Variants in LMX1A observed in about 807,000 individuals in gnomAD.
LMX1A encodes LIM homeobox transcription factor 1 alpha, also known as LIM homeobox transcription factor 1-alpha.
Under a neutral mutation model 49.1 loss-of-function variants are expected in LMX1A, and 15 were observed. The observed-to-expected ratio is 0.31, with a 90% CI of 0.20 to 0.47. The LOEUF is 0.47. Ranked by LOEUF, LMX1A falls within the 20% of genes least tolerant of loss-of-function variation. LMX1A has a pLI of 1.00. For synonymous variants in LMX1A, 167 were observed against 185.7 expected, an observed-to-expected ratio of 0.90 and a Z score of 0.82; for missense variants, 372 against 475.8, an observed-to-expected ratio of 0.78 and a Z score of 2.03.
At chr1:165,271,480 C>A (rs1653791499) in intron 3 of LMX1A, among the ~76,000 whole-genome samples, 1 of 152,116 alleles carries the variant, frequency 6.6e-6, no homozygotes, top group African/African-American at 2.4e-5. Context: ...TTGTTGCAGC[C>A]CAAAACCTAC....
intron 3 of LMX1A, among the ~76,000 whole-genome samples, chr1:165,336,755 C>A (rs1557888751): frequency 6.6e-6 from 1 of 152,312 alleles, no homozygotes; most frequent in East Asian, 1.9e-4. Flanking sequence ...TTACTCCAGC[C>A]CTTCCTCAAC....
chr1:165,315,632 G>A (rs1432538550), intron 3 of LMX1A, among the ~76,000 whole-genome samples: 1 of 152,212 alleles, frequency 6.6e-6, no homozygotes, highest in African/African-American at 2.4e-5. Context: ...TTGTTAGGCT[G>A]AAGTACAACA....
intron 3 of LMX1A, among the ~76,000 whole-genome samples, chr1:165,302,789 C>T (rs531220398): frequency 2.0e-5 from 3 of 152,288 alleles, no homozygotes; most frequent in Admixed American, 1.3e-4. Context: ...GAGAAAAGTG[C>T]CAGGGTTAGG....
chr1:165,324,220 C>G (rs1655504163), intron 3 of LMX1A, among the ~76,000 whole-genome samples: 1 of 152,202 alleles, frequency 6.6e-6, no homozygotes, highest in South Asian at 2.1e-4. Context: ...ACAGACTAGT[C>G]AGCGTGTGAA....
rs761806395 is a variant in LMX1A at position 165,311,510 on chromosome 1, G to C, written c.263+41566C>G. ...TCGGCTGTGGAGGCCCAGCTCACTG[G>C]TTGGCTCTTAACACCCTCATGCCCC... On this transcript the variant is annotated intron_variant, in intron 3 of 8. Transcript: ENST00000342310. 2.0e-5 allele frequency among the ~76,000 whole-genome samples: 3 copies of C among 152,294 alleles called. No individual in the cohort carries two copies. In the South Asian group the frequency reaches 6.2e-4, roughly 32 times the overall value.
At chr1:165,205,787 T>A in intron 8 of LMX1A, 77 bp downstream of exon 8, 2 of 1,376,720 alleles carry the variant, frequency 1.5e-6, no homozygotes, top group South Asian at 1.3e-5. Context: ...ATCTGGGAAC[T>A]GCCTAGATGT....
intron 3 of LMX1A, among the ~76,000 whole-genome samples, chr1:165,310,937 T>C (rs1655060198): frequency 6.6e-6 from 1 of 152,244 alleles, no homozygotes; most frequent in African/African-American, 2.4e-5. Flanking sequence ...TAAAGAACTT[T>C]ATATGCAAAA....
intron 3 of LMX1A, among the ~76,000 whole-genome samples, chr1:165,313,105 T>C (rs1285831449): frequency 6.6e-6 from 1 of 152,198 alleles, no homozygotes; most frequent in Non-Finnish European, 1.5e-5. Flanking sequence ...CTTATGCCAA[T>C]TGGAAACAAT....
At chr1:165,294,837 GC>G (rs1162405548) in intron 3 of LMX1A, among the ~76,000 whole-genome samples, 1 of 152,146 alleles carries the variant, frequency 6.6e-6, no homozygotes, top group Non-Finnish European at 1.5e-5. Flanking sequence ...GGTGGCACAT[GC>G]TTGTAATCCC....
At chr1:165,247,976 G>A (rs1652917977) in intron 4 of LMX1A, among the ~76,000 whole-genome samples, 1 of 152,240 alleles carries the variant, frequency 6.6e-6, no homozygotes, top group African/African-American at 2.4e-5. Context: ...CAAGCACCCA[G>A]TGTCCCAGCC....
chr1:165,284,715 A>C (rs980330394), intron 3 of LMX1A, among the ~76,000 whole-genome samples: 1 of 152,242 alleles, frequency 6.6e-6, no homozygotes, highest in Non-Finnish European at 1.5e-5. Context: ...TGCTGAGCGC[A>C]AGCAGGTTTG....
chr1:165,245,761 A>T (rs1374610325), intron 4 of LMX1A, among the ~76,000 whole-genome samples: 1 of 152,042 alleles, frequency 6.6e-6, no homozygotes, highest in African/African-American at 2.4e-5. Context: ...CCCTCAAAAC[A>T]GGCACTATTT....
intron 3 of LMX1A, among the ~76,000 whole-genome samples, chr1:165,282,935 G>C (rs1186873894): frequency 7.9e-5 from 12 of 152,292 alleles, no homozygotes; most frequent in African/African-American, 2.9e-4. Context: ...GGATTCAGAA[G>C]AAAAACCCAA....
chr1:165,356,154 G>A lies in LMX1A; in HGVS notation c.-23+201C>T, dbSNP rs72687734. 125 of 152,548 alleles carry A rather than the reference G, an allele frequency of 8.2e-4. 1 individual carries two copies. The Middle Eastern group carries it at 0.024, about 29-fold the overall frequency. The allele number at this position is 152,548 out of a possible 1,614,324, so 9.4% of individuals were successfully genotyped here. ...GACTCCTGGCGCTGCGCTCTGTTGG[G>A]GTGCGCGCAGGAGCCGGTGTGCGGG... On this transcript the variant is annotated intron_variant, in intron 1 of 8. Coordinates refer to ENST00000342310, the MANE Select transcript of LMX1A (RefSeq NM_177398.4).
At chr1:165,213,374 C>T in intron 5 of LMX1A, 1 of 375,746 alleles carries the variant, frequency 2.7e-6, no homozygotes, top group Admixed American at 4.3e-5. Flanking sequence ...TATTACTGTT[C>T]CCATTGTGCT....
intron 4 of LMX1A, among the ~76,000 whole-genome samples, chr1:165,236,505 T>A (rs993708541): frequency 6.6e-6 from 1 of 152,074 alleles, no homozygotes; most frequent in Non-Finnish European, 1.5e-5. Flanking sequence ...AATTTCTGTA[T>A]TGCATGGGAC....
intron 3 of LMX1A, among the ~76,000 whole-genome samples, chr1:165,297,040 C>T (rs1261417932): frequency 6.6e-6 from 1 of 152,204 alleles, no homozygotes; most frequent in Non-Finnish European, 1.5e-5. Flanking sequence ...GTGTGTCTGT[C>T]TCCCCCAGCA....
At chr1:165,277,594 A>G (rs1654007863) in intron 3 of LMX1A, among the ~76,000 whole-genome samples, 1 of 152,198 alleles carries the variant, frequency 6.6e-6, no homozygotes, top group Non-Finnish European at 1.5e-5. Flanking sequence ...GACTGCCAGG[A>G]AAACCCAAGT....
intron 3 of LMX1A, among the ~76,000 whole-genome samples, chr1:165,266,150 C>T (rs1320519126): frequency 6.6e-6 from 1 of 152,080 alleles, no homozygotes; most frequent in Admixed American, 6.5e-5. Flanking sequence ...CAAATTGGTA[C>T]CAACTAAATG....
Sources: allele counts gnomAD v4.1 joint callset (sites outside exome capture counted in the v4.1 genomes callset), GRCh38; gene constraint gnomAD v4.1.1; transcripts MANE v1.5; gene names NCBI Gene and HGNC (gene_info 2026-07-23, HGNC 2026-07-21).